Variants in CLIC6 observed in about 807,000 individuals in gnomAD.
CLIC6 encodes CLIC family member 6, also known as chloride intracellular channel protein 6.
CLIC6 carries 39 observed loss-of-function variants against 49.2 expected under a neutral mutation model. The observed-to-expected ratio is 0.79, with a 90% CI of 0.61 to 1.04. The LOEUF (loss-of-function observed/expected upper bound fraction) is 1.04, where lower values mean the gene tolerates loss of function less well. CLIC6 is among the 50% of genes least tolerant of loss of function. The pLI is 0.00. For missense variants in CLIC6, 988 were observed against 993.1 expected (o/e 0.99, Z 0.07); for synonymous variants, 446 against 433.4 (o/e 1.03, Z -0.36).
intron 1 of CLIC6, among the ~76,000 whole-genome samples, chr21:34,698,589 C>T (rs1334376969): frequency 1.3e-5 from 2 of 152,064 alleles, no homozygotes; most frequent in African/African-American, 4.8e-5. Flanking sequence ...ATCCAAGGTC[C>T]TAAGTGTTGT....
chr21:34,675,634 G>A (rs969097625), intron 1 of CLIC6, among the ~76,000 whole-genome samples: 7 of 152,150 alleles, frequency 4.6e-5, no homozygotes, highest in East Asian at 3.9e-4. Context: ...GATGTTTTGC[G>A]TAACCTCTTG....
intron 1 of CLIC6, among the ~76,000 whole-genome samples, chr21:34,691,502 C>T (rs943201232): frequency 4.0e-5 from 6 of 151,534 alleles, no homozygotes; most frequent in Admixed American, 6.6e-5. Flanking sequence ...TTGTGAAACC[C>T]GAAGTTTTGG....
At chr21:34,700,412 A>G (rs985862343) in intron 1 of CLIC6, among the ~76,000 whole-genome samples, 2 of 127,262 alleles carry the variant, frequency 1.6e-5, no homozygotes, top group Admixed American at 1.5e-4. Context: ...GCGCCACCGC[A>G]CTCCAGCCTG....
intron 1 of CLIC6, among the ~76,000 whole-genome samples, chr21:34,704,332 GC>G (rs2145815856): frequency 6.6e-6 from 1 of 152,286 alleles, no homozygotes; most frequent in East Asian, 1.9e-4. Flanking sequence ...AAATTAGGCA[GC>G]AAGTCATCCC....
chr21:34,684,789 A>G (rs1410960584), intron 1 of CLIC6, among the ~76,000 whole-genome samples: 1 of 152,222 alleles, frequency 6.6e-6, no homozygotes, highest in African/African-American at 2.4e-5. Context: ...ATAGTACACA[A>G]GCAAGGAGGA....
At chr21:34,689,090 T>C (rs1206834894) in intron 1 of CLIC6, among the ~76,000 whole-genome samples, 1 of 152,234 alleles carries the variant, frequency 6.6e-6, no homozygotes, top group African/African-American at 2.4e-5. Context: ...GGGCTCCTTC[T>C]TTATTCTTCC....
chr21:34,681,587 C>T (rs1989781695), intron 1 of CLIC6, among the ~76,000 whole-genome samples: 1 of 152,166 alleles, frequency 6.6e-6, no homozygotes, highest in South Asian at 2.1e-4. Context: ...AGATGGCTGG[C>T]TCACATGTCG....
intron 1 of CLIC6, among the ~76,000 whole-genome samples, chr21:34,689,742 G>A (rs1331925871): frequency 6.6e-6 from 1 of 151,990 alleles, no homozygotes; most frequent in Non-Finnish European, 1.5e-5. Context: ...GTCAGGCTGG[G>A]GCCTTCTCTG....
At chr21:34,684,406 C>A (rs1167610842) in intron 1 of CLIC6, among the ~76,000 whole-genome samples, 1 of 152,216 alleles carries the variant, frequency 6.6e-6, no homozygotes, top group Non-Finnish European at 1.5e-5. Context: ...GACCATGAGG[C>A]CTGGCCCCCT....
intron 5 of CLIC6, among the ~76,000 whole-genome samples, chr21:34,709,901 C>T (rs146970779): frequency 0.012 from 1,816 of 152,228 alleles, 16 homozygotes; most frequent in Non-Finnish European, 0.02. Context: ...CAAATGTGAA[C>T]GCAGTCTACT....
chr21:34,679,129 A>G (rs896491370), intron 1 of CLIC6, among the ~76,000 whole-genome samples: 2 of 152,236 alleles, frequency 1.3e-5, no homozygotes, highest in African/African-American at 4.8e-5. Context: ...CCAAGACTGG[A>G]TAATTTATAA....
Position 34,669,534 on chromosome 21 carries a change from AGGCGCCGAGG to A in CLIC6, c.154_163del (p.Arg52ProfsTer3). The A allele has an allele frequency of 8.0e-7, 1 of 1,243,252 alleles. No homozygotes were observed. The highest frequency in any genetic ancestry group is 1.0e-6 in the Non-Finnish European group (1 of 995,402). 77.0% of individuals were successfully genotyped at this position (1,243,252 alleles called of 1,614,324 possible). ...CCGGAGGGGAGCGAGGGCGCAGAGG[AGGCGCCGAGG>A]GGCGCCGCCGCTGTGAAGGAGGCAG... is the stretch of plus-strand genomic sequence containing the variant. On this transcript the variant is annotated frameshift_variant, in exon 1 of 6. Transcript: ENST00000349499. LOFTEE classifies it high-confidence loss of function.
At chr21:34,670,877 T>C (rs2145794111) in intron 1 of CLIC6, 115 bp downstream of exon 1, 2 of 1,200,468 alleles carry the variant, frequency 1.7e-6, no homozygotes, top group South Asian at 3.3e-5. Context: ...CTGATTGTCA[T>C]CAGGCGCTTC....
chr21:34,670,837 G>C (rs2145794091), intron 1 of CLIC6, 75 bp downstream of exon 1: 1 of 1,457,502 alleles, frequency 6.9e-7, no homozygotes, highest in Non-Finnish European at 9.1e-7. Flanking sequence ...ATCCCAGAGG[G>C]ACGCGCAGGG....
chr21:34,703,640 CG>C (rs982142688), intron 1 of CLIC6, among the ~76,000 whole-genome samples: 45 of 151,980 alleles, frequency 3.0e-4, no homozygotes, highest in Admixed American at 2.4e-3. Flanking sequence ...TGAAAAGAGC[CG>C]GCAGGAGAGT....
intron 5 of CLIC6, among the ~76,000 whole-genome samples, chr21:34,712,415 C>T (rs1327328683): frequency 1.3e-5 from 2 of 152,196 alleles, no homozygotes; most frequent in Non-Finnish European, 2.9e-5. Flanking sequence ...GGAGGAGCCA[C>T]AGAACCATTA....
At chr21:34,681,917 A>T (rs1404548489) in intron 1 of CLIC6, among the ~76,000 whole-genome samples, 1 of 152,230 alleles carries the variant, frequency 6.6e-6, no homozygotes, top group Non-Finnish European at 1.5e-5. Context: ...CACAAAAAAT[A>T]GTACACTGGA....
In CLIC6 at chr21:34,670,509, G is replaced by T. The variant is rs61753641; in HGVS notation, c.1121G>T (p.Arg374Leu). ...QQEPGEDEER[R>L]ERSPEGPREE... is the part of the protein sequence containing the mutation. The stretch of plus-strand genomic sequence containing the variant: ...GAGCCGGGGGAGGACGAAGAGAGAC[G>T]AGAGCGGAGCCCGGAGGGGCCAAGG... The change falls in exon 1 of 6, where the codon CGA (arginine) becomes CTA (leucine). Residue 374 changes from arginine to leucine, a missense_variant. Transcript: ENST00000349499. 1.1e-3 allele frequency: 1,692 copies of T among 1,495,240 alleles called. 18 individuals are homozygous for T. In the African/African-American group the frequency reaches 0.019, roughly 17 times the overall value. The allele number at this position is 1,495,240 out of a possible 1,614,324, so 92.6% of individuals were successfully genotyped here. A position where few individuals can be genotyped will look rare whatever the true frequency, so the allele number is the denominator to read the frequency against.
intron 2 of CLIC6, 73 bp downstream of exon 2, chr21:34,707,462 C>CACACACACACACACACACCCACACAT: frequency 1.2e-6 from 1 of 856,782 alleles, no homozygotes. Flanking sequence ...CACACACACA[C>CACACACACACACACACACCCACACAT]ACACACACCT....
Sources: allele counts gnomAD v4.1 joint callset (sites outside exome capture counted in the v4.1 genomes callset), GRCh38; gene constraint gnomAD v4.1.1; transcripts MANE v1.5; gene names NCBI Gene and HGNC (gene_info 2026-07-23, HGNC 2026-07-21).